The following SLC26A1 variants were observed in gnomAD, a reference collection of about 807,000 sequenced individuals.
SLC26A1 encodes the protein sulfate anion transporter 1.
A neutral mutation model predicts 14.5 loss-of-function variants in SLC26A1; 18 were observed. The ratio of observed to expected loss-of-function variants is 1.24; its 90% CI spans 0.86 to 1.84. The LOEUF is 1.84. Among genes scored for constraint, SLC26A1 ranks in the 40% most tolerant of loss-of-function variants. The pLI is 0.00. For missense variants in SLC26A1, 1,049 were observed against 1,020.0 expected (o/e 1.03, Z -0.39); for synonymous variants, 505 against 492.0 (o/e 1.03, Z -0.35).
downstream of SLC26A1, among the ~76,000 whole-genome samples, chr4:982,778 G>A (rs375872454): frequency 3.9e-4 from 59 of 152,338 alleles, no homozygotes; most frequent in African/African-American, 1.3e-3. Context: ...TGTCGTGGCC[G>A]GGTCCGTGTG....
chr4:991,932 C>G, intron 1 of SLC26A1: 1 of 952,652 alleles, frequency 1.0e-6, no homozygotes, highest in Middle Eastern at 2.1e-4. Flanking sequence ...ATCCAGAATC[C>G]ATCGTGAGGT....
chr4:989,685 G>T lies in SLC26A1; in HGVS notation c.1254C>A (p.Val418=). The T allele has an allele frequency of 6.4e-7, 1 of 1,564,392 alleles. No homozygotes were observed. The highest frequency in any genetic ancestry group is 1.2e-5 in the South Asian group (1 of 85,242). The change falls in exon 3 of 3, where the codon GTC becomes GTA. Residue 418 remains valine (V), a synonymous_variant. Coordinates refer to ENST00000398516, the MANE Select transcript of SLC26A1 (RefSeq NM_022042.4). ...TGCRTQLSSV[V]SATVVLLVLL... is the part of the protein sequence containing the mutation. ...GCACCAGCAGCACCACGGTGGCGCT[G>T]ACCACGCTGGACAGCTGTGTCCGGC... is the stretch of plus-strand genomic sequence containing the variant.
At position 988,976 on chromosome 4, in the gene SLC26A1, C is replaced by T; in HGVS notation, c.1963G>A (p.Asp655Asn). The change falls in exon 3 of 3, where the codon GAC (aspartate) becomes AAC (asparagine). Residue 655 changes from aspartate to asparagine, a missense_variant. Coordinates refer to ENST00000398516, the MANE Select transcript of SLC26A1 (RefSeq NM_022042.4). Reference protein sequence around the residue: ...LLACCSPPVRDILSRGGFLGE... With the variant: ...LLACCSPPVRNILSRGGFLGE... ...AGGAAGCCTCCTCTGCTCAGAATGT[C>T]TCTCACAGGCGGGCTGCAGCAGGCT... 1 of 1,595,912 alleles carries T rather than the reference C, an allele frequency of 6.3e-7. No homozygotes were observed. The highest frequency in any genetic ancestry group is 1.1e-5 in the South Asian group (1 of 88,720).
Position 988,649 on chromosome 4 carries a change from G to A in SLC26A1, c.*184C>T. ...AGGTTCTTGATTTCTGAGTGTTTGG[G>A]TCCTGCGTGTGATCAGAGGGCCTCC... On this transcript the variant is annotated 3_prime_UTR_variant, in exon 3 of 3. Transcript: ENST00000398516. 7.1e-7 allele frequency: 1 copy of A among 1,403,250 alleles called. No homozygotes were observed. Among genetic ancestry groups the A allele is most frequent in the Non-Finnish European group, 9.2e-7 (1 of 1,084,624 alleles). 86.9% of individuals were successfully genotyped at this position (1,403,250 alleles called of 1,614,324 possible).
At position 989,340 on chromosome 4, in the gene SLC26A1, A is replaced by G. The variant is rs1377274339; in HGVS notation, c.1599T>C (p.Pro533=). 6.2e-6 allele frequency: 10 copies of G among 1,604,354 alleles called. No homozygotes were observed. The highest frequency in any genetic ancestry group is 8.5e-6 in the Non-Finnish European group (10 of 1,176,010). The change falls in exon 3 of 3, where the codon CCT becomes CCC. Residue 533 remains proline, a synonymous_variant. Coordinates refer to ENST00000398516, the MANE Select transcript of SLC26A1 (RefSeq NM_022042.4). ...AGCGGAACACCCGCACGCCGGGCTC[A>G]GGGACGAGGCCCTCGAACTCTGTGG... ...EDATEFEGLV[P]EPGVRVFRFG...
downstream of SLC26A1, among the ~76,000 whole-genome samples, chr4:985,096 A>G (rs1713659245): frequency 6.6e-6 from 1 of 152,238 alleles, no homozygotes. Context: ...TTCAGTCCCC[A>G]CAAAGACAAT....
intron 1 of SLC26A1, chr4:993,010 C>T (rs1452611625): frequency 2.6e-5 from 4 of 152,154 alleles, no homozygotes; most frequent in African/African-American, 9.7e-5. Context: ...TAGGTTGACA[C>T]ATGCAGGCTG....
At position 989,855 on chromosome 4, in the gene SLC26A1, TCTC is replaced by T; in HGVS notation, c.1081_1083del (p.Glu361del). 1 of 1,576,904 alleles carries T rather than the reference TCTC, an allele frequency of 6.3e-7. No homozygotes were observed. Among genetic ancestry groups the T allele is most frequent in the Non-Finnish European group, 8.6e-7 (1 of 1,162,338 alleles). On this transcript the variant is annotated inframe_deletion, in exon 3 of 3. Coordinates refer to ENST00000398516, the MANE Select transcript of SLC26A1 (RefSeq NM_022042.4). ...GAGTAGCCGTGACTGCGGGCGAACA[TCTC>T]CGCCAGCGAGATGGAGAAGGCGGCA...
At chr4:983,600 C>T (rs1713612096), downstream of SLC26A1, among the ~76,000 whole-genome samples, 1 of 152,234 alleles carries the variant, frequency 6.6e-6, no homozygotes, top group South Asian at 2.1e-4. Flanking sequence ...TCCAGATTCA[C>T]AGAACCTGAG....
chr4:987,643 G>A, downstream of SLC26A1: 1 of 1,452,012 alleles, frequency 6.9e-7, no homozygotes, highest in Non-Finnish European at 9.1e-7. Context: ...CCATGAAGAT[G>A]GGACCTCCCC....
downstream of SLC26A1, chr4:987,628 G>A (rs931036148): frequency 1.2e-5 from 17 of 1,442,892 alleles, no homozygotes; most frequent in South Asian, 1.6e-4. Context: ...TGCTGCTGCC[G>A]TTCCCCATGA....
In SLC26A1 at chr4:990,021, C is replaced by T. The variant is rs4690221; in HGVS notation, c.918G>A (p.Ser306=). 0.41 allele frequency: 655,169 copies of T among 1,585,096 alleles called. 137,016 individuals carry two copies. The highest frequency in any genetic ancestry group is 0.53 in the Admixed American group (30,141 of 56,658). ...AGCGCTTGTGGAGCTGCCCGAAGTG[C>T]GACACGAGTGTGGCCACCACGATGA... ...LLVIVVATLV[S]HFGQLHKRFG... Residue 306 remains serine (S), a synonymous_variant, in exon 3 of 3, where the codon TCG becomes TCA. Transcript: ENST00000398516.
In SLC26A1 at chr4:990,078, G is replaced by A. The variant is rs1714145462; in HGVS notation, c.861C>T (p.Arg287=). 2 of 1,600,856 alleles carry A rather than the reference G, an allele frequency of 1.2e-6. No homozygotes were observed. Among genetic ancestry groups the A allele is most frequent in the East Asian group, 2.3e-5 (1 of 44,320 alleles). Residue 287 remains arginine (R), a synonymous_variant, in exon 3 of 3, where the codon CGC becomes CGT. Transcript: ENST00000398516. ...AKELSDRYRH[R]LRVPLPTELL... is the part of the protein sequence containing the mutation. Reference sequence around the variant, plus strand: ...GCTCCGTGGGCAGCGGCACCCTCAGGCGGTGTCGGTAGCGGTCTGAGAGCT... The same window carrying A: ...GCTCCGTGGGCAGCGGCACCCTCAGACGGTGTCGGTAGCGGTCTGAGAGCT...
At position 991,666 on chromosome 4, in the gene SLC26A1, C is replaced by G; in HGVS notation, c.38G>C (p.Gly13Ala). The change falls in exon 2 of 3, where the codon GGG becomes GCG. Residue 13 changes from glycine to alanine, a missense_variant. By Grantham distance (60) the Gly-to-Ala change is moderately conservative. Coordinates refer to ENST00000398516, the MANE Select transcript of SLC26A1 (RefSeq NM_022042.4). Reference sequence around the variant, plus strand: ...GCGCTGCCGTCGGACCGGCACCGGCCCTCTGCCCTGCTGCAGAGGCTCAGG... The same window carrying G: ...GCGCTGCCGTCGGACCGGCACCGGCGCTCTGCCCTGCTGCAGAGGCTCAGG... ...ESPEPLQQGR[G>A]PVPVRRQRPA... The G allele has an allele frequency of 1.9e-6, 3 of 1,540,054 alleles. No homozygotes were observed. Among genetic ancestry groups the G allele is most frequent in the Non-Finnish European group, 1.7e-6 (2 of 1,149,880 alleles).
At chr4:980,481 G>C (rs1240764938) in intron 2 of SLC26A1, among the ~76,000 whole-genome samples, 1 of 151,928 alleles carries the variant, frequency 6.6e-6, no homozygotes, top group African/African-American at 2.4e-5. Context: ...AGCTACTTGG[G>C]AGGCTGAGGC....
Position 990,294 on chromosome 4 carries a change from A to T in SLC26A1, c.645T>A (p.Phe215Leu). The T allele has an allele frequency of 6.2e-7, 1 of 1,603,908 alleles. No individual in the cohort carries two copies. ...AYLSQPLLDG[F>L]AMGASVTILT... is the part of the protein sequence containing the mutation. Reference sequence around the variant, plus strand: ...GGATGGTCACGGAGGCCCCCATGGCAAAGCCATCGAGCAGTGGCTGTGAGA... The same window carrying T: ...GGATGGTCACGGAGGCCCCCATGGCTAAGCCATCGAGCAGTGGCTGTGAGA... Residue 215 changes from phenylalanine to leucine, a missense_variant, in exon 3 of 3, where the codon TTT (phenylalanine) becomes TTA (leucine). Coordinates refer to ENST00000398516, the MANE Select transcript of SLC26A1 (RefSeq NM_022042.4).
intron 1 of SLC26A1, chr4:992,070 ACCAC>A: frequency 1.9e-6 from 1 of 534,846 alleles, no homozygotes; most frequent in African/African-American, 1.9e-5. Context: ...CTGGCTGAAA[ACCAC>A]CCTGTAGCCT....
chr4:991,172 T>C lies in SLC26A1; in HGVS notation c.532A>G (p.Ile178Val), dbSNP rs1420698720. ...MLDCGRDCYA[I>V]RVATALTLMT... Reference sequence around the variant, plus strand: ...AGCGTGAGGGCGGTGGCGACACGGATGGCGTAGCAGTCACGCCCGCAGTCC... The same window carrying C: ...AGCGTGAGGGCGGTGGCGACACGGACGGCGTAGCAGTCACGCCCGCAGTCC... Residue 178 changes from isoleucine (I) to valine (V), a missense_variant, in exon 2 of 3, where the codon ATC (isoleucine) becomes GTC (valine). Physicochemically the swap from Ile to Val is conservative, Grantham distance 29. Transcript: ENST00000398516. 6.4e-7 allele frequency: 1 copy of C among 1,569,696 alleles called. No homozygotes were observed. The highest frequency in any genetic ancestry group is 8.7e-7 in the Non-Finnish European group (1 of 1,154,414).
chr4:992,022 T>C (rs1577522657), intron 1 of SLC26A1: 1 of 614,764 alleles, frequency 1.6e-6, no homozygotes, highest in South Asian at 1.6e-5. Flanking sequence ...GGCGGCACCC[T>C]GTCCAGGCTC....
Sources: allele counts gnomAD v4.1 joint callset (sites outside exome capture counted in the v4.1 genomes callset), GRCh38; gene constraint gnomAD v4.1.1; transcripts MANE v1.5; gene names NCBI Gene and HGNC (gene_info 2026-07-23, HGNC 2026-07-21).